The following NCKAP5 variants were observed in gnomAD, a reference collection of about 807,000 sequenced individuals.
The protein encoded by NCKAP5 is nck-associated protein 5.
NCKAP5 carries 92 observed loss-of-function variants against 167.0 expected under a neutral mutation model. That is an observed-to-expected ratio of 0.55 (90% CI 0.47 to 0.66). The LOEUF (loss-of-function observed/expected upper bound fraction) is 0.66. Ranked by LOEUF, NCKAP5 falls within the 30% of genes least tolerant of loss-of-function variation. The probability of loss-of-function intolerance (pLI) is 0.00; values close to 1 mark genes in which losing one functional copy is unlikely to be tolerated. For synonymous variants in NCKAP5, 891 were observed against 877.4 expected, an observed-to-expected ratio of 1.02 and a Z score of -0.27; for missense variants, 2,378 against 2,315.0, an observed-to-expected ratio of 1.03 and a Z score of -0.56.
chr2:133,320,997 C>T (rs1053496763), intron 3 of NCKAP5, among the ~76,000 whole-genome samples: 3 of 152,176 alleles, frequency 2.0e-5, no homozygotes, highest in African/African-American at 7.2e-5. Context: ...TTAGCCATAA[C>T]TTCTAGTGCT....
intron 3 of NCKAP5, among the ~76,000 whole-genome samples, 187 bp from the exon 4 acceptor site, chr2:133,303,297 T>C (rs750650339): frequency 6.6e-6 from 1 of 152,238 alleles, no homozygotes; most frequent in Admixed American, 6.5e-5. Context: ...CCTATGATAG[T>C]TTTGTAAACA....
chr2:133,432,859 T>G (rs984493192), intron 3 of NCKAP5, among the ~76,000 whole-genome samples: 9 of 152,226 alleles, frequency 5.9e-5, no homozygotes, highest in Non-Finnish European at 1.2e-4. Flanking sequence ...TATTGTTCTT[T>G]TATTTCTACA....
At chr2:133,245,870 A>G (rs1361720364) in intron 4 of NCKAP5, among the ~76,000 whole-genome samples, 1 of 150,856 alleles carries the variant, frequency 6.6e-6, no homozygotes, top group Non-Finnish European at 1.5e-5. Context: ...ACTCAGAGCA[A>G]AAAAGGATTT....
intron 6 of NCKAP5, among the ~76,000 whole-genome samples, chr2:133,020,902 G>A (rs1166067993): frequency 6.6e-6 from 1 of 152,194 alleles, no homozygotes; most frequent in Non-Finnish European, 1.5e-5. Context: ...TAAGAGCGGA[G>A]CCCATGGAGT....
At chr2:133,282,928 A>G (rs1450081551) in intron 4 of NCKAP5, among the ~76,000 whole-genome samples, 1 of 152,230 alleles carries the variant, frequency 6.6e-6, no homozygotes, top group Non-Finnish European at 1.5e-5. Flanking sequence ...CATATGTATT[A>G]AAACAATCCT....
chr2:133,625,383 C>T, the NCKAP5 span, among the ~76,000 whole-genome samples: 2 of 152,130 alleles, frequency 1.3e-5, no homozygotes, highest in African/African-American at 4.8e-5. Flanking sequence ...TTGTAGAACT[C>T]AAATTGAGCT....
intron 3 of NCKAP5, among the ~76,000 whole-genome samples, chr2:133,426,723 C>G (rs1689832196): frequency 6.6e-6 from 1 of 152,122 alleles, no homozygotes; most frequent in African/African-American, 2.4e-5. Context: ...AAAGTATGAT[C>G]TTTAGTTAAT....
the NCKAP5 span, among the ~76,000 whole-genome samples, chr2:133,670,352 A>G: frequency 6.6e-6 from 1 of 152,190 alleles, no homozygotes. Flanking sequence ...CTGTATGAAT[A>G]TATTTCAGTT....
At chr2:133,385,348 T>A (rs1329363175) in intron 3 of NCKAP5, among the ~76,000 whole-genome samples, 1 of 152,218 alleles carries the variant, frequency 6.6e-6, no homozygotes, top group Non-Finnish European at 1.5e-5. Context: ...TTGGATTATG[T>A]TTTTTGATTT....
chr2:133,344,205 C>A (rs948891420), intron 3 of NCKAP5, among the ~76,000 whole-genome samples: 1 of 152,012 alleles, frequency 6.6e-6, no homozygotes, highest in African/African-American at 2.4e-5. Flanking sequence ...GTCAGGCATT[C>A]GAGACCAGCC....
the NCKAP5 span, among the ~76,000 whole-genome samples, chr2:133,598,990 C>T: frequency 6.6e-6 from 1 of 152,180 alleles, no homozygotes; most frequent in African/African-American, 2.4e-5. Flanking sequence ...TCTGACATCA[C>T]ATGGCATTCT....
intron 8 of NCKAP5, among the ~76,000 whole-genome samples, chr2:132,888,335 T>C (rs888997723): frequency 2.0e-5 from 3 of 152,206 alleles, no homozygotes; most frequent in Non-Finnish European, 4.4e-5. Flanking sequence ...ATAACCAACT[T>C]TTCCCCTTTG....
chr2:133,134,086 A>T (rs941840810), intron 5 of NCKAP5, among the ~76,000 whole-genome samples: 1 of 152,022 alleles, frequency 6.6e-6, no homozygotes. Context: ...AACACAGAAA[A>T]CTCCACCCAG....
chr2:133,543,831 T>C (rs996425053), intron 2 of NCKAP5, among the ~76,000 whole-genome samples: 1 of 152,248 alleles, frequency 6.6e-6, no homozygotes, highest in Non-Finnish European at 1.5e-5. Flanking sequence ...GGGTACTTCA[T>C]TCAGTCTTGG....
intron 6 of NCKAP5, among the ~76,000 whole-genome samples, chr2:133,041,753 T>C (rs1207799510): frequency 6.6e-6 from 1 of 152,154 alleles, no homozygotes; most frequent in Non-Finnish European, 1.5e-5. Flanking sequence ...TACTCAACAG[T>C]GAACATACAC....
chr2:133,186,874 C>A (rs956278171), intron 5 of NCKAP5, among the ~76,000 whole-genome samples: 1 of 151,972 alleles, frequency 6.6e-6, no homozygotes, highest in African/African-American at 2.4e-5. Context: ...AGCAGTCTGT[C>A]AATCTTGTTT....
intron 8 of NCKAP5, among the ~76,000 whole-genome samples, chr2:132,959,248 T>C (rs2149185537): frequency 6.6e-6 from 1 of 152,218 alleles, no homozygotes; most frequent in South Asian, 2.1e-4. Flanking sequence ...TGTCATCATT[T>C]CATGGAAAGG....
intron 3 of NCKAP5, among the ~76,000 whole-genome samples, chr2:133,493,384 T>C (rs1681639444): frequency 6.6e-6 from 1 of 152,224 alleles, no homozygotes; most frequent in Admixed American, 6.5e-5. Flanking sequence ...ACCTTCATAC[T>C]ATTCTTTTTC....
At chr2:133,628,632 A>T in the NCKAP5 span, among the ~76,000 whole-genome samples, 1 of 152,218 alleles carries the variant, frequency 6.6e-6, no homozygotes, top group African/African-American at 2.4e-5. Flanking sequence ...GAATTAGAAA[A>T]AACTATTTTA....
Sources: allele counts gnomAD v4.1 joint callset (sites outside exome capture counted in the v4.1 genomes callset), GRCh38; gene constraint gnomAD v4.1.1; transcripts MANE v1.5; gene names NCBI Gene and HGNC (gene_info 2026-07-23, HGNC 2026-07-21).